The following NCALD variants were observed in gnomAD, a reference collection of about 807,000 sequenced individuals.
NCALD encodes the protein neurocalcin delta.
Under a neutral mutation model 18.6 loss-of-function variants are expected in NCALD, and 10 were observed. That is an observed-to-expected ratio of 0.54 (90% CI 0.33 to 0.91). The LOEUF is 0.91. NCALD is among the 40% of genes least tolerant of loss of function. NCALD has a pLI of 0.03. For missense variants in NCALD, 184 were observed against 247.6 expected (o/e 0.74, Z 1.72); for synonymous variants, 88 against 87.4 (o/e 1.01, Z -0.04).
chr8:101,768,351 A>G (rs139674287), intron 1 of NCALD, among the ~76,000 whole-genome samples: 1 of 150,474 alleles, frequency 6.6e-6, no homozygotes, highest in African/African-American at 2.4e-5. Flanking sequence ...CTATATCTGC[A>G]GGTCACAGCT....
At chr8:101,897,333 A>T (rs1427886292) in intron 3 of NCALD, among the ~76,000 whole-genome samples, 1 of 145,152 alleles carries the variant, frequency 6.9e-6, no homozygotes. Context: ...ACATGGACAC[A>T]GGAAGCGGAA....
chr8:101,839,412 A>T (rs980044295), intron 4 of NCALD, among the ~76,000 whole-genome samples: 4 of 152,154 alleles, frequency 2.6e-5, no homozygotes, highest in African/African-American at 9.7e-5. Context: ...CATACTCCTT[A>T]AAGTCATACT....
intron 2 of NCALD, among the ~76,000 whole-genome samples, chr8:102,019,015 A>G (rs1195856079): frequency 1.3e-5 from 2 of 152,166 alleles, no homozygotes; most frequent in Admixed American, 1.3e-4. Context: ...CCAAGGATAT[A>G]TCTAAAATAT....
intron 4 of NCALD, among the ~76,000 whole-genome samples, chr8:101,820,436 CGATT>C (rs1425840492): frequency 6.6e-6 from 1 of 151,938 alleles, no homozygotes; most frequent in African/African-American, 2.4e-5. Flanking sequence ...GTAGATGAAT[CGATT>C]AATGAATGAA....
Position 101,888,756 on chromosome 8 carries a change from T to C in NCALD, c.-106-1529A>G, listed in dbSNP as rs558516133. On this transcript the variant is annotated intron_variant, in intron 3 of 6. Coordinates refer to the NCALD transcript ENST00000311028. ...ACATTGGATTTGCTCTCTGAGAAAATAGTTCAGAATATTTCCACTCTGTTT... is the reference window on the plus strand; with the variant it reads ...ACATTGGATTTGCTCTCTGAGAAAACAGTTCAGAATATTTCCACTCTGTTT... Among the ~76,000 whole-genome samples the C allele has an allele frequency of 3.9e-5, 6 of 152,166 alleles. No homozygotes were observed. The South Asian group carries it at 8.3e-4, about 21-fold the overall frequency.
At chr8:101,837,257 G>A (rs1814452437) in intron 4 of NCALD, among the ~76,000 whole-genome samples, 1 of 151,890 alleles carries the variant, frequency 6.6e-6, no homozygotes, top group African/African-American at 2.4e-5. Flanking sequence ...TGTGTCCTTG[G>A]TTGATGCCAT....
intron 1 of NCALD, among the ~76,000 whole-genome samples, chr8:101,752,731 T>C (rs1810712798): frequency 6.6e-6 from 1 of 152,194 alleles, no homozygotes; most frequent in South Asian, 2.1e-4. Flanking sequence ...ATAAATAAGG[T>C]ACAGCCCTGC....
At chr8:101,730,808 G>A (rs1329573086) in intron 1 of NCALD, among the ~76,000 whole-genome samples, 1 of 152,180 alleles carries the variant, frequency 6.6e-6, no homozygotes, top group Non-Finnish European at 1.5e-5. Context: ...ATTGCAAAGA[G>A]GTTCTTCATG....
intron 2 of NCALD, among the ~76,000 whole-genome samples, chr8:102,006,290 G>A (rs1821709030): frequency 6.6e-6 from 1 of 151,816 alleles, no homozygotes; most frequent in African/African-American, 2.4e-5. Context: ...AAGGCTAAAC[G>A]TAATGTTTTC....
intron 4 of NCALD, among the ~76,000 whole-genome samples, chr8:101,853,898 A>G (rs952925458): frequency 1.3e-5 from 2 of 152,134 alleles, no homozygotes; most frequent in African/African-American, 2.4e-5. Context: ...AACCAAACCC[A>G]TTTGAAACAC....
chr8:101,898,888 A>AC (rs1817312123), intron 3 of NCALD, among the ~76,000 whole-genome samples: 1 of 152,082 alleles, frequency 6.6e-6, no homozygotes, highest in South Asian at 2.1e-4. Context: ...TATAAATTTT[A>AC]GAATAATCTT....
intron 3 of NCALD, chr8:101,692,389 G>A (rs950210889): frequency 8.1e-6 from 8 of 985,324 alleles, no homozygotes; most frequent in East Asian, 1.1e-4. Context: ...GAAAGCTGTC[G>A]GCATCTGGGT....
intron 2 of NCALD, among the ~76,000 whole-genome samples, chr8:101,928,601 T>A (rs1299899519): frequency 2.6e-5 from 3 of 115,684 alleles, no homozygotes; most frequent in Non-Finnish European, 4.8e-5. Context: ...CTATGGACAC[T>A]TTTTTTTTTT....
intron 4 of NCALD, among the ~76,000 whole-genome samples, chr8:101,797,488 A>T (rs78695487): frequency 0.029 from 4,409 of 152,244 alleles, 213 homozygotes; most frequent in African/African-American, 0.1. Context: ...AAAAGTGCAA[A>T]TTTTTTATTA....
intron 4 of NCALD, among the ~76,000 whole-genome samples, chr8:101,843,082 C>T (rs1245058375): frequency 6.6e-6 from 1 of 152,148 alleles, no homozygotes; most frequent in Non-Finnish European, 1.5e-5. Context: ...GATTGCTCAC[C>T]TTTTGGCATA....
At chr8:101,690,579 C>T (rs1814682587) in intron 3 of NCALD, 3 of 985,430 alleles carry the variant, frequency 3.0e-6, no homozygotes, top group South Asian at 4.7e-5. Context: ...GGGCCTCCCC[C>T]AACAGAAACA....
At chr8:101,779,792 A>T (rs2130946297) in intron 1 of NCALD, 1 of 152,286 alleles carries the variant, frequency 6.6e-6, no homozygotes, top group Non-Finnish European at 1.5e-5. Flanking sequence ...ACAGTTAACT[A>T]AGCTTTATTA....
chr8:102,014,076 A>G (rs1014007012), intron 2 of NCALD, among the ~76,000 whole-genome samples: 1 of 152,188 alleles, frequency 6.6e-6, no homozygotes, highest in African/African-American at 2.4e-5. Flanking sequence ...TTAATCTGAG[A>G]CCAATATGGA....
chr8:102,106,464 T>TACAC (rs58274998), intron 1 of NCALD, among the ~76,000 whole-genome samples: 8 of 138,626 alleles, frequency 5.8e-5, no homozygotes, highest in East Asian at 4.2e-4. Context: ...TATATATATA[T>TACAC]ATACACACAC....
Sources: gnomAD v4.1 joint callset for allele counts (sites outside exome capture counted in the v4.1 genomes callset) on GRCh38, gnomAD v4.1.1 for gene constraint, MANE v1.5 for transcripts, NCBI Gene and HGNC (gene_info 2026-07-23, HGNC 2026-07-21) for gene names.